Variants in SPRED2 observed in about 807,000 individuals in gnomAD.
SPRED2 encodes the protein sprouty related EVH1 domain containing 2.
Under a neutral mutation model 43.0 loss-of-function variants are expected in SPRED2, and 47 were observed. The observed-to-expected ratio is 1.09, with a 90% CI of 0.87 to 1.40. The LOEUF is 1.40. Among genes scored for constraint, SPRED2 ranks in the 40% most tolerant of loss-of-function variants. SPRED2 has a pLI of 0.00. For synonymous variants in SPRED2, 225 were observed against 225.7 expected (o/e 1.00, Z 0.03); for missense variants, 561 against 586.4 (o/e 0.96, Z 0.45).
intron 4 of SPRED2, among the ~76,000 whole-genome samples, chr2:65,322,229 C>CCTCTCTCT (rs71905140): frequency 1.6e-3 from 101 of 61,280 alleles, no homozygotes; most frequent in South Asian, 4.5e-3. Flanking sequence ...GGTCTCCTTT[C>CCTCTCTCT]CTCTCTCTCT....
Position 65,312,100 on chromosome 2 carries a change from A to C in SPRED2, c.*1401T>G. ...TCTTCACTTTTCTTCTTTCTTCAATAAGAAGATTTGGCTAATCCTTGCAAC... is the reference window on the plus strand; with the variant it reads ...TCTTCACTTTTCTTCTTTCTTCAATCAGAAGATTTGGCTAATCCTTGCAAC... On this transcript the variant is annotated 3_prime_UTR_variant, in exon 6 of 6. Coordinates refer to ENST00000356388, the MANE Select transcript of SPRED2 (RefSeq NM_181784.3). The C allele has an allele frequency of 1.0e-6, 1 of 985,440 alleles. No homozygotes were observed. The highest frequency in any genetic ancestry group is 1.2e-6 in the Non-Finnish European group (1 of 829,922). 61.0% of individuals were successfully genotyped at this position (985,440 alleles called of 1,614,324 possible). A position where few individuals can be genotyped will look rare whatever the true frequency, so the allele number is the denominator to read the frequency against.
intron 1 of SPRED2, among the ~76,000 whole-genome samples, chr2:65,383,734 G>C (rs541224806): frequency 7.9e-4 from 121 of 152,236 alleles, no homozygotes; most frequent in Non-Finnish European, 1.2e-3. Flanking sequence ...TTTAGGGCTG[G>C]GTAGATAAAC....
At chr2:65,422,874 G>A (rs1676464700) in intron 1 of SPRED2, among the ~76,000 whole-genome samples, 1 of 152,192 alleles carries the variant, frequency 6.6e-6, no homozygotes, top group Non-Finnish European at 1.5e-5. Flanking sequence ...GAGCTGTTGA[G>A]CCCAGGCACA....
At chr2:65,344,919 C>T (rs771179718) in intron 1 of SPRED2, 23 bp from the exon 2 acceptor site, 33 of 1,606,852 alleles carry the variant, frequency 2.1e-5, no homozygotes, top group Middle Eastern at 1.7e-4. Flanking sequence ...GAAGAAGAAG[C>T]ACAGGGCATG....
rs1673915668 is a variant in SPRED2 at position 65,334,775 on chromosome 2, T to C, written c.205-2A>G. On this transcript the variant is annotated splice_acceptor_variant, in intron 2 of 5. Transcript: ENST00000356388. LOFTEE classifies it high-confidence loss of function. ...TCTTACATAGCATTCCAATACCACC[T>C]GAAGGATGGAAACACACAGGCTGGT... 1 of 1,614,124 alleles carries C rather than the reference T, an allele frequency of 6.2e-7. No homozygotes were observed. The highest frequency in any genetic ancestry group is 8.5e-7 in the Non-Finnish European group (1 of 1,179,976).
At chr2:65,344,923 G>A in intron 1 of SPRED2, 27 bp from the exon 2 acceptor site, 1 of 1,602,212 alleles carries the variant, frequency 6.2e-7, no homozygotes, top group Non-Finnish European at 8.5e-7. Flanking sequence ...AAGAAGCACA[G>A]GGCATGACAA....
chr2:65,419,577 TTGTGTGTGTGTGTGTGTG>T (rs10541896), intron 1 of SPRED2, among the ~76,000 whole-genome samples: 18 of 148,992 alleles, frequency 1.2e-4, no homozygotes, highest in African/African-American at 3.7e-4. Flanking sequence ...GGGATTATAG[TTGTGTGTGTGTGTGTGTG>T]TGTGTGTGTG....
At chr2:65,430,749 C>T (rs1449809880) in intron 1 of SPRED2, among the ~76,000 whole-genome samples, 1 of 152,184 alleles carries the variant, frequency 6.6e-6, no homozygotes, top group Non-Finnish European at 1.5e-5. Flanking sequence ...CGCGCCGCCG[C>T]TACCTTGGCT....
At chr2:65,352,958 T>G (rs1470246670) in intron 1 of SPRED2, among the ~76,000 whole-genome samples, 1 of 152,190 alleles carries the variant, frequency 6.6e-6, no homozygotes, top group African/African-American at 2.4e-5. Flanking sequence ...ATCTTCATTA[T>G]CAATTTATGT....
rs189519511 is a variant in SPRED2, at chr2:65,399,225, C to T, written c.26+32737G>A. On this transcript the variant is annotated intron_variant, in intron 1 of 5. Coordinates refer to ENST00000356388, the MANE Select transcript of SPRED2 (RefSeq NM_181784.3). ...CAGAGGTTGCGGTGAGCCGAGATCA[C>T]GCCATTGCACTCCAGCCTGGTCAAC... Among the ~76,000 whole-genome samples, 1,330 of 148,572 alleles carry T rather than the reference C, an allele frequency of 9.0e-3. 6 individuals carry two copies. The highest frequency in any genetic ancestry group is 0.011 in the Non-Finnish European group (751 of 67,370).
chr2:65,322,850 G>A (rs1022131776), intron 4 of SPRED2, among the ~76,000 whole-genome samples: 1 of 152,094 alleles, frequency 6.6e-6, no homozygotes, highest in African/African-American at 2.4e-5. Context: ...TGATTTTTCT[G>A]TCTACTGAGA....
chr2:65,372,757 C>T (rs1490803565), intron 1 of SPRED2, among the ~76,000 whole-genome samples: 1 of 152,162 alleles, frequency 6.6e-6, no homozygotes, highest in Admixed American at 6.5e-5. Context: ...AGTTGAATGA[C>T]CTATTCCTTA....
chr2:65,370,577 C>T (rs1185471081), intron 1 of SPRED2, among the ~76,000 whole-genome samples: 1 of 152,188 alleles, frequency 6.6e-6, no homozygotes, highest in East Asian at 1.9e-4. Flanking sequence ...AGATCTTTTT[C>T]CTACAGAAAT....
chr2:65,420,230 A>G (rs1214589494), intron 1 of SPRED2, among the ~76,000 whole-genome samples: 2 of 148,448 alleles, frequency 1.3e-5, no homozygotes, highest in Non-Finnish European at 1.5e-5. Context: ...AAAAAAAAAA[A>G]AAAGGAAAAA....
rs531099944 is a variant in SPRED2 at position 65,323,322 on chromosome 2, T to TA, written c.439-6440dup. On this transcript the variant is annotated intron_variant, in intron 4 of 5. Transcript: ENST00000356388. Reference sequence around the variant, plus strand: ...CTGTCAAATTTTTCTATGGTAACTATAAAAAAACCACATACTTTGAGTAGC... The same window carrying TA: ...CTGTCAAATTTTTCTATGGTAACTATAAAAAAAACCACATACTTTGAGTAGC... Among the ~76,000 whole-genome samples, 376 of 152,122 alleles carry TA rather than the reference T, an allele frequency of 2.5e-3. 1 individual carries two copies. In the Middle Eastern group the frequency reaches 0.051, roughly 21 times the overall value.
intron 2 of SPRED2, among the ~76,000 whole-genome samples, chr2:65,339,105 G>T (rs113850398): frequency 0.076 from 7,607 of 100,056 alleles, 511 homozygotes; most frequent in Non-Finnish European, 0.12. Context: ...GTTGGGCGGG[G>T]GGTCAGCGCC....
chr2:65,307,437 C>T (rs992636549), downstream of SPRED2, among the ~76,000 whole-genome samples: 3 of 151,974 alleles, frequency 2.0e-5, no homozygotes, highest in Admixed American at 1.3e-4. Flanking sequence ...CTCAAGTGAT[C>T]CACCCTCTTC....
At position 65,311,077 on chromosome 2, in the gene SPRED2, T is replaced by G. The variant is rs894542417; in HGVS notation, c.*2424A>C. The stretch of plus-strand genomic sequence containing the variant: ...TTATGCTTCAGGCACTTTAATTTGT[T>G]AATGTGAGCAAATAGCTTGGGGGGT... On this transcript the variant is annotated 3_prime_UTR_variant, in exon 6 of 6. Coordinates refer to ENST00000356388, the MANE Select transcript of SPRED2 (RefSeq NM_181784.3). 1.2e-5 allele frequency: 12 copies of G among 985,642 alleles called. No individual in the cohort carries two copies. Among genetic ancestry groups the G allele is most frequent in the Middle Eastern group, 5.2e-4 (1 of 1,936 alleles). 61.1% of individuals were successfully genotyped at this position (985,642 alleles called of 1,614,324 possible). A position where few individuals can be genotyped will look rare whatever the true frequency, so the allele number is the denominator to read the frequency against.
In SPRED2 at chr2:65,410,666, G is replaced by A. The variant is rs572319000; in HGVS notation, c.26+21296C>T. Among the ~76,000 whole-genome samples the A allele has an allele frequency of 2.0e-3, 304 of 152,060 alleles. 1 individual carries two copies. Among genetic ancestry groups the A allele is most frequent in the Non-Finnish European group, 1.9e-3 (131 of 67,992 alleles). On this transcript the variant is annotated intron_variant, in intron 1 of 5. Transcript: ENST00000356388. ...CCCAGCTACTCGGGAGGCTGAGGCAGGAGAATGGCGTGAACCCGCGAGGCG... is the reference window on the plus strand; with the variant it reads ...CCCAGCTACTCGGGAGGCTGAGGCAAGAGAATGGCGTGAACCCGCGAGGCG...
Sources: allele counts gnomAD v4.1 joint callset (sites outside exome capture counted in the v4.1 genomes callset), GRCh38; gene constraint gnomAD v4.1.1; transcripts MANE v1.5; gene names NCBI Gene and HGNC (gene_info 2026-07-23, HGNC 2026-07-21).